Variants in SUZ12 observed in about 807,000 individuals in gnomAD.
SUZ12 encodes polycomb protein SUZ12.
In SUZ12, 17 loss-of-function variants were observed where a neutral mutation model predicts 87.3. That is an observed-to-expected ratio of 0.19 (90% CI 0.13 to 0.29). The LOEUF (loss-of-function observed/expected upper bound fraction) is 0.29, where lower values mean the gene tolerates loss of function less well. Among genes scored for constraint, SUZ12 ranks in the 10% least tolerant of loss-of-function variants. The pLI, the probability that SUZ12 is intolerant of heterozygous loss-of-function variation, is 1.00. For synonymous variants in SUZ12, 253 were observed against 312.4 expected (o/e 0.81, Z 2.01); for missense variants, 526 against 912.2 (o/e 0.58, Z 5.45).
chr17:31,957,838 C>T (rs998059193), intron 4 of SUZ12, among the ~76,000 whole-genome samples: 6 of 150,772 alleles, frequency 4.0e-5, no homozygotes, highest in Non-Finnish European at 7.4e-5. Flanking sequence ...AGCCACTGCA[C>T]CTGGCCCTGG....
rs1228905745 is a variant in SUZ12 at position 31,978,846 on chromosome 17, G to A, written c.917+2232G>A. 9.2e-5 allele frequency among the ~76,000 whole-genome samples: 14 copies of A among 152,098 alleles called. No individual in the cohort carries two copies. The South Asian group carries it at 1.0e-3, about 11-fold the overall frequency. ...TATTCACCCGGGCATGGTGGCTCAC[G>A]CCTGTAATCCCAGCACTTTGGGAGG... is the stretch of plus-strand genomic sequence containing the variant. On this transcript the variant is annotated intron_variant, in intron 8 of 15. Coordinates refer to ENST00000322652, the MANE Select transcript of SUZ12 (RefSeq NM_015355.4).
chr17:31,952,534 C>G (rs2142136980), intron 4 of SUZ12, among the ~76,000 whole-genome samples: 1 of 152,214 alleles, frequency 6.6e-6, no homozygotes, highest in South Asian at 2.1e-4. Flanking sequence ...GATTCTTATG[C>G]TGTCCTACCA....
At chr17:31,979,103 C>CAAAAAAAAAAAAAAAA (rs61307349) in intron 8 of SUZ12, among the ~76,000 whole-genome samples, 1 of 65,252 alleles carries the variant, frequency 1.5e-5, no homozygotes, top group African/African-American at 4.5e-5. Flanking sequence ...ACTGTGTCTC[C>CAAAAAAAAAAAAAAAA]AAAAAAAAAA....
chr17:31,948,478 C>T (rs2142130242), intron 4 of SUZ12, among the ~76,000 whole-genome samples: 1 of 152,246 alleles, frequency 6.6e-6, no homozygotes, highest in South Asian at 2.1e-4. Context: ...AAATTTGTCA[C>T]AATGCATTTT....
At position 31,981,275 on chromosome 17, in the gene SUZ12, T is replaced by C. The variant is rs564871371; in HGVS notation, c.918-1724T>C. 2.3e-4 allele frequency among the ~76,000 whole-genome samples: 35 copies of C among 152,284 alleles called. 3 individuals carry two copies. The highest frequency in any genetic ancestry group is 1.7e-3 in the East Asian group (9 of 5,190). ...CTAATTTTAAAAGACCACTGCCCAATAGAAGAATGGGCAAAAGAAACAATA... is the reference window on the plus strand; with the variant it reads ...CTAATTTTAAAAGACCACTGCCCAACAGAAGAATGGGCAAAAGAAACAATA... On this transcript the variant is annotated intron_variant, in intron 8 of 15. Transcript: ENST00000322652.
At chr17:31,970,512 C>T (rs1456393956) in intron 5 of SUZ12, among the ~76,000 whole-genome samples, 3 of 152,034 alleles carry the variant, frequency 2.0e-5, no homozygotes, top group African/African-American at 7.2e-5. Context: ...CCCATAATCC[C>T]AGCTACTCTG....
At chr17:31,994,189 G>T (rs918803267) in intron 12 of SUZ12, among the ~76,000 whole-genome samples, 181 bp downstream of exon 12, 1 of 152,130 alleles carries the variant, frequency 6.6e-6, no homozygotes, top group East Asian at 1.9e-4. Flanking sequence ...TTCTGTATTT[G>T]ATAGATTGCC....
chr17:31,990,939 G>A (rs1909689010), intron 10 of SUZ12, among the ~76,000 whole-genome samples: 2 of 151,780 alleles, frequency 1.3e-5, no homozygotes, highest in Admixed American at 6.6e-5. Flanking sequence ...GGTAGAGATG[G>A]GATTTTGCCA....
intron 4 of SUZ12, among the ~76,000 whole-genome samples, chr17:31,955,751 A>G (rs905166649): frequency 6.6e-6 from 1 of 151,816 alleles, no homozygotes; most frequent in Non-Finnish European, 1.5e-5. Context: ...ACATCTCAAA[A>G]AAACTTACAG....
intron 14 of SUZ12, among the ~76,000 whole-genome samples, chr17:31,996,065 C>T (rs2142218207): frequency 6.6e-6 from 1 of 152,158 alleles, no homozygotes; most frequent in South Asian, 2.1e-4. Flanking sequence ...AAAAAATTAG[C>T]CAGGCATGGT....
chr17:31,951,698 G>A (rs12953007), intron 4 of SUZ12, among the ~76,000 whole-genome samples: 16 of 150,800 alleles, frequency 1.1e-4, no homozygotes, highest in African/African-American at 3.2e-4. Flanking sequence ...GGATGGTCTC[G>A]ATCTCCTGAC....
intron 4 of SUZ12, among the ~76,000 whole-genome samples, chr17:31,955,902 A>G (rs866812665): frequency 2.8e-4 from 42 of 151,368 alleles, no homozygotes; most frequent in Middle Eastern, 3.4e-3. Flanking sequence ...AAAGTTGTAT[A>G]TTATTATTAT....
At chr17:31,939,833 TACA>T (rs1199459567) in intron 1 of SUZ12, among the ~76,000 whole-genome samples, 1 of 152,200 alleles carries the variant, frequency 6.6e-6, no homozygotes, top group African/African-American at 2.4e-5. Flanking sequence ...GCCGGCTGAC[TACA>T]GATTTTTTAA....
intron 11 of SUZ12, among the ~76,000 whole-genome samples, chr17:31,993,625 T>G (rs1909831003): frequency 1.3e-5 from 2 of 152,114 alleles, no homozygotes; most frequent in South Asian, 4.1e-4. Context: ...TTTACCATGT[T>G]GCCCAGGCTT....
intron 3 of SUZ12, among the ~76,000 whole-genome samples, chr17:31,943,368 T>C (rs569357486): frequency 6.6e-6 from 1 of 152,348 alleles, no homozygotes; most frequent in East Asian, 1.9e-4. Context: ...TTACAGTTTT[T>C]TAAAATTTCA....
intron 3 of SUZ12, among the ~76,000 whole-genome samples, chr17:31,945,171 T>C (rs1323031652): frequency 6.6e-6 from 1 of 152,156 alleles, no homozygotes; most frequent in African/African-American, 2.4e-5. Flanking sequence ...CACAACTCAT[T>C]TGCTGTTGTC....
chr17:31,966,277 G>A lies in SUZ12; in HGVS notation c.505+81G>A, dbSNP rs1598165598. ...TGTAAAAAAAGTGGGGCTTCTGAGT[G>A]TAAATTTATAAAATTAAGTTTAATG... On this transcript the variant is annotated intron_variant, in intron 5 of 15. Transcript: ENST00000322652. The A allele has an allele frequency of 4.3e-6, 5 of 1,169,074 alleles. No homozygotes were observed. The East Asian group carries it at 1.2e-4, about 29-fold the overall frequency. 72.4% of individuals were successfully genotyped at this position (1,169,074 alleles called of 1,614,324 possible).
At chr17:31,971,571 C>T (rs541994776) in intron 5 of SUZ12, among the ~76,000 whole-genome samples, 17 of 151,990 alleles carry the variant, frequency 1.1e-4, no homozygotes, top group African/African-American at 4.1e-4. Flanking sequence ...GCTGAGATTA[C>T]AGGCATGCAC....
chr17:31,988,989 G>A (rs1032262916), intron 10 of SUZ12, among the ~76,000 whole-genome samples: 4 of 151,682 alleles, frequency 2.6e-5, no homozygotes, highest in East Asian at 2.0e-4. Context: ...TGAGAATGGC[G>A]TGAACCCAGA....
Sources: allele counts gnomAD v4.1 joint callset (sites outside exome capture counted in the v4.1 genomes callset), GRCh38; gene constraint gnomAD v4.1.1; transcripts MANE v1.5; gene names NCBI Gene and HGNC (gene_info 2026-07-23, HGNC 2026-07-21).